Variants in NOS1AP observed in about 807,000 individuals in gnomAD.
NOS1AP encodes carboxyl-terminal PDZ ligand of neuronal nitric oxide synthase protein.
In NOS1AP, 21 loss-of-function variants were observed where a neutral mutation model predicts 56.2. The ratio of observed to expected loss-of-function variants is 0.37; its 90% CI spans 0.26 to 0.54. The LOEUF is 0.54. Among genes scored for constraint, NOS1AP ranks in the 20% least tolerant of loss-of-function variants. NOS1AP has a pLI of 0.84. For synonymous variants in NOS1AP, 270 were observed against 274.6 expected, an observed-to-expected ratio of 0.98 and a Z score of 0.17; for missense variants, 522 against 657.8, an observed-to-expected ratio of 0.79 and a Z score of 2.26.
At chr1:162,183,505 A>T (rs1651330612) in intron 2 of NOS1AP, among the ~76,000 whole-genome samples, 1 of 152,236 alleles carries the variant, frequency 6.6e-6, no homozygotes, top group Non-Finnish European at 1.5e-5. Context: ...AAAGTCCCAG[A>T]TGGCCTCTTC....
chr1:162,079,079 A>T (rs1691833959), intron 1 of NOS1AP, among the ~76,000 whole-genome samples: 1 of 151,500 alleles, frequency 6.6e-6, no homozygotes, highest in South Asian at 2.1e-4. Context: ...GCCTTAATTG[A>T]CTCTCCACTC....
rs1446833543 is a variant in NOS1AP at position 162,070,017 on chromosome 1, G to T, written c.-161G>T. 4.6e-6 allele frequency: 2 copies of T among 437,480 alleles called. No individual in the cohort carries two copies. The highest frequency in any genetic ancestry group is 9.6e-5 in the Admixed American group (2 of 20,788). The allele number at this position is 437,480 out of a possible 1,614,324, so 27.1% of individuals were successfully genotyped here. A position where few individuals can be genotyped will look rare whatever the true frequency, so the allele number is the denominator to read the frequency against. On this transcript the variant is annotated 5_prime_UTR_variant, in exon 1 of 10. Coordinates refer to ENST00000361897, the MANE Select transcript of NOS1AP (RefSeq NM_014697.3). Reference sequence around the variant, plus strand: ...CCGCTGCCGCTCGGCCCTCGGCACCGCTCCGGGTCCGGCCGCCGCGCGGCC... The same window carrying T: ...CCGCTGCCGCTCGGCCCTCGGCACCTCTCCGGGTCCGGCCGCCGCGCGGCC...
Position 162,219,299 on chromosome 1 carries a change from G to T in NOS1AP, c.177+64823G>T, listed in dbSNP as rs539861660. ...GCAATAGTAGCTATTAGTAGCAGTC[G>T]TCTCTAAGGACAGGGGAAGCTAGAC... On this transcript the variant is annotated intron_variant, in intron 2 of 9. Coordinates refer to ENST00000361897, the MANE Select transcript of NOS1AP (RefSeq NM_014697.3). Among the ~76,000 whole-genome samples the T allele has an allele frequency of 4.6e-5, 7 of 152,306 alleles. No individual in the cohort carries two copies. The South Asian group carries it at 1.5e-3, about 32-fold the overall frequency.
intron 2 of NOS1AP, among the ~76,000 whole-genome samples, chr1:162,266,965 G>A (rs1654441091): frequency 2.0e-5 from 3 of 152,176 alleles, no homozygotes; most frequent in African/African-American, 7.2e-5. Flanking sequence ...TCATCATTAT[G>A]TTATGGTACC....
chr1:162,353,573 C>T (rs547654815), intron 6 of NOS1AP, among the ~76,000 whole-genome samples: 6 of 152,278 alleles, frequency 3.9e-5, no homozygotes, highest in African/African-American at 1.4e-4. Flanking sequence ...ATTTATGGAA[C>T]ACTTTCTCTG....
At chr1:162,247,070 T>C (rs1439740573) in intron 2 of NOS1AP, among the ~76,000 whole-genome samples, 1 of 152,170 alleles carries the variant, frequency 6.6e-6, no homozygotes, top group Non-Finnish European at 1.5e-5. Context: ...ATTGTCTGGC[T>C]TTGAATTGGT....
At chr1:162,207,261 G>T (rs534707389) in intron 2 of NOS1AP, among the ~76,000 whole-genome samples, 1 of 152,216 alleles carries the variant, frequency 6.6e-6, no homozygotes, top group Non-Finnish European at 1.5e-5. Context: ...AGTTCTAGAC[G>T]TAGTGCCAGA....
At chr1:162,165,370 A>G (rs557543693) in intron 2 of NOS1AP, among the ~76,000 whole-genome samples, 5 of 152,322 alleles carry the variant, frequency 3.3e-5, no homozygotes, top group Non-Finnish European at 7.3e-5. Flanking sequence ...GTTCTTATCA[A>G]CATTAACCAG....
intron 2 of NOS1AP, among the ~76,000 whole-genome samples, chr1:162,215,571 C>G (rs1432342889): frequency 6.6e-6 from 1 of 152,200 alleles, no homozygotes; most frequent in Non-Finnish European, 1.5e-5. Flanking sequence ...ATGCTTATAA[C>G]TGACCTGCTG....
chr1:162,098,497 T>G (rs1291736577), intron 1 of NOS1AP, among the ~76,000 whole-genome samples: 1 of 23,832 alleles, frequency 4.2e-5, no homozygotes, highest in South Asian at 5.2e-4. Context: ...ACGGTGTCGT[T>G]TTTTTTTTTT....
chr1:162,199,595 CGTGTGTGTGTGTGT>C (rs58625856), intron 2 of NOS1AP, among the ~76,000 whole-genome samples: 1,935 of 131,690 alleles, frequency 0.015, 29 homozygotes, highest in African/African-American at 0.052. Flanking sequence ...GCATGGATTG[CGTGTGTGTGTGTGT>C]GTGTGTGTGT....
chr1:162,155,543 A>AT (rs1312147836), intron 2 of NOS1AP, among the ~76,000 whole-genome samples: 2 of 151,766 alleles, frequency 1.3e-5, no homozygotes, highest in African/African-American at 4.8e-5. Flanking sequence ...TATTGGTTGG[A>AT]TGCCGTAGGC....
chr1:162,282,060 A>G (rs781581336), intron 2 of NOS1AP, among the ~76,000 whole-genome samples: 2 of 152,218 alleles, frequency 1.3e-5, no homozygotes, highest in African/African-American at 2.4e-5. Flanking sequence ...AGATTGCACC[A>G]TTGCACTCCA....
At chr1:162,175,731 A>G (rs1027165942) in intron 2 of NOS1AP, among the ~76,000 whole-genome samples, 7 of 152,206 alleles carry the variant, frequency 4.6e-5, no homozygotes, top group African/African-American at 1.7e-4. Flanking sequence ...ACAAATACCC[A>G]TGAATATTTC....
intron 4 of NOS1AP, among the ~76,000 whole-genome samples, chr1:162,307,196 G>A (rs1246200688): frequency 6.6e-6 from 1 of 152,158 alleles, no homozygotes; most frequent in Non-Finnish European, 1.5e-5. Context: ...CTGTGCTTTT[G>A]AGTTTCAGTT....
chr1:162,334,092 G>A (rs556846662), intron 5 of NOS1AP, among the ~76,000 whole-genome samples: 1 of 152,290 alleles, frequency 6.6e-6, no homozygotes, highest in Admixed American at 6.5e-5. Context: ...TTTAGCAGAT[G>A]TTTAGGTACC....
chr1:162,189,891 G>A (rs1263573194), intron 2 of NOS1AP, among the ~76,000 whole-genome samples: 1 of 152,144 alleles, frequency 6.6e-6, no homozygotes, highest in East Asian at 1.9e-4. Context: ...TTCATGGCGA[G>A]GGATCAGCAG....
At chr1:162,287,064 A>G (rs545039621) in intron 2 of NOS1AP, among the ~76,000 whole-genome samples, 2 of 152,102 alleles carry the variant, frequency 1.3e-5, no homozygotes, top group South Asian at 4.1e-4. Flanking sequence ...GAAGGTTCTG[A>G]TTTTTTATGG....
rs567237695 is a variant in NOS1AP at position 162,129,905 on chromosome 1, G to C, written c.106-24500G>C. ...CATATTAACTTTTCCCATCTAAATT[G>C]TAAGTCCCTTGAGGATAGAGACCTC... is the stretch of plus-strand genomic sequence containing the variant. On this transcript the variant is annotated intron_variant, in intron 1 of 9. Transcript: ENST00000361897. Among the ~76,000 whole-genome samples the C allele has an allele frequency of 1.3e-4, 20 of 152,278 alleles. 1 individual carries two copies. The South Asian group carries it at 3.9e-3, about 30-fold the overall frequency.
Sources: gnomAD v4.1 joint callset for allele counts (sites outside exome capture counted in the v4.1 genomes callset) on GRCh38, gnomAD v4.1.1 for gene constraint, MANE v1.5 for transcripts, NCBI Gene and HGNC (gene_info 2026-07-23, HGNC 2026-07-21) for gene names.